The following SNAPC4 variants were observed in gnomAD, a reference collection of about 807,000 sequenced individuals.
SNAPC4 encodes snRNA-activating protein complex subunit 4.
Under a neutral mutation model 151.3 loss-of-function variants are expected in SNAPC4, and 127 were observed. The observed-to-expected ratio is 0.84, with a 90% CI of 0.73 to 0.97. SNAPC4 has a LOEUF of 0.97. SNAPC4 is among the 50% of genes least tolerant of loss of function. SNAPC4 has a pLI of 0.00. For synonymous variants in SNAPC4, 1,002 were observed against 824.4 expected (o/e 1.22, Z -3.69); for missense variants, 2,186 against 1,935.0 (o/e 1.13, Z -2.43).
At position 136,383,944 on chromosome 9, in the gene SNAPC4, G is replaced by A. The variant is rs1166378607; in HGVS notation, c.1500+9C>T. On this transcript the variant is annotated intron_variant, in intron 15 of 23. Transcript: ENST00000684778. The surrounding 1 kb of genome is among the most constrained non-coding windows in gnomAD (Gnocchi z 4.2). ...CTGGTTTCAGATAAAGAAGGAGCGA[G>A]TGGCTCACCCCCATCATGATCTTCC... The A allele has an allele frequency of 6.2e-7, 1 of 1,611,556 alleles. No individual in the cohort carries two copies. The highest frequency in any genetic ancestry group is 1.3e-5 in the African/African-American group (1 of 74,846).
At position 136,382,226 on chromosome 9, in the gene SNAPC4, C is replaced by A. The variant is rs1213673862; in HGVS notation, c.2067+27G>T. 4 of 1,608,942 alleles carry A rather than the reference C, an allele frequency of 2.5e-6. No homozygotes were observed. In the African/African-American group the frequency reaches 5.3e-5, roughly 21 times the overall value. ...CCAGGGCGGGGCACGTGGTGGCGTGCGCGTGGGTGTCTGCAGCAGGCCTCA... is the reference window on the plus strand; with the variant it reads ...CCAGGGCGGGGCACGTGGTGGCGTGAGCGTGGGTGTCTGCAGCAGGCCTCA... On this transcript the variant is annotated intron_variant, in intron 17 of 23. Transcript: ENST00000684778.
At chr9:136,376,558 G>T (rs1452130108) in intron 22 of SNAPC4, 77 bp from the exon 23 acceptor site, 1 of 1,560,118 alleles carries the variant, frequency 6.4e-7, no homozygotes, top group South Asian at 1.1e-5. Context: ...CGGGAGTGAG[G>T]AGGGGCCCTG....
At chr9:136,396,079 G>A (rs921665503) in intron 3 of SNAPC4, among the ~76,000 whole-genome samples, 4 of 152,210 alleles carry the variant, frequency 2.6e-5, no homozygotes, top group Non-Finnish European at 4.4e-5. Flanking sequence ...GACCACAGGC[G>A]TCCTGTGAAC....
Position 136,392,744 on chromosome 9 carries a change from G to A in SNAPC4, c.666C>T (p.Val222=). Reference sequence around the variant, plus strand: ...GGGCTTGCCTCTCCAGCTCACTGGAGACTTTGCTCTGCTTCTGGTGCAAGT... The same window carrying A: ...GGGCTTGCCTCTCCAGCTCACTGGAAACTTTGCTCTGCTTCTGGTGCAAGT... ...LEYLHQKQSK[V]SSELERQALE... Residue 222 remains valine, a synonymous_variant, in exon 8 of 24, where the codon GTC becomes GTT. Coordinates refer to ENST00000684778, the MANE Select transcript of SNAPC4 (RefSeq NM_003086.4). 1 of 1,613,652 alleles carries A rather than the reference G, an allele frequency of 6.2e-7. No individual in the cohort carries two copies. Among genetic ancestry groups the A allele is most frequent in the South Asian group, 1.1e-5 (1 of 91,086 alleles).
In SNAPC4 at chr9:136,383,959, C is replaced by A; in HGVS notation, c.1494G>T (p.Met498Ile). 6.2e-7 allele frequency: 1 copy of A among 1,613,470 alleles called. No homozygotes were observed. Among genetic ancestry groups the A allele is most frequent in the Non-Finnish European group, 8.5e-7 (1 of 1,179,748 alleles). The change falls in exon 15 of 24, where the codon ATG becomes ATT. Residue 498 changes from methionine to isoleucine, a missense_variant. Coordinates refer to ENST00000684778, the MANE Select transcript of SNAPC4 (RefSeq NM_003086.4). The surrounding 1 kb of genome is among the most constrained non-coding windows in gnomAD (Gnocchi z 4.2). ...GSQCLSKWKIMMGKKQGLRRR... is the reference protein window; with the variant it reads ...GSQCLSKWKIIMGKKQGLRRR... ...GAAGGAGCGAGTGGCTCACCCCCAT[C>A]ATGATCTTCCACTTGCTCAGACACT...
chr9:136,382,719 G>A (rs1348291764), intron 16 of SNAPC4, among the ~76,000 whole-genome samples: 3 of 152,226 alleles, frequency 2.0e-5, no homozygotes, highest in Non-Finnish European at 1.5e-5. Context: ...AGACCAGCCT[G>A]TTCAACTCTG....
chr9:136,388,701 C>A, intron 10 of SNAPC4, 110 bp from the exon 11 acceptor site: 1 of 1,268,980 alleles, frequency 7.9e-7, no homozygotes. Context: ...TGGGGTGACC[C>A]TTCTGCAGAC....
chr9:136,380,142 C>T (rs1225908586), intron 20 of SNAPC4, among the ~76,000 whole-genome samples: 2 of 152,212 alleles, frequency 1.3e-5, no homozygotes, highest in African/African-American at 2.4e-5. Context: ...GAACCGCAGG[C>T]TGCTGCTGGC....
In SNAPC4 at chr9:136,387,502, A is replaced by G. The variant is rs750966496; in HGVS notation, c.1308T>C (p.Asp436=). The G allele has an allele frequency of 6.2e-7, 1 of 1,613,298 alleles. No individual in the cohort carries two copies. Among genetic ancestry groups the G allele is most frequent in the African/African-American group, 1.3e-5 (1 of 75,048 alleles). The change falls in exon 13 of 24, where the codon GAT becomes GAC. Residue 436 remains aspartate, a synonymous_variant. Coordinates refer to ENST00000684778, the MANE Select transcript of SNAPC4 (RefSeq NM_003086.4). ...CGACTCACCGATCTCGGCACTGGGC[A>G]TCGCTCCTACCTGGCACCTCTTCCC... ...KIREEVPGRS[D]AQCRDRYLRR...
chr9:136,382,044 G>A lies in SNAPC4; in HGVS notation c.2097C>T (p.Pro699=), dbSNP rs749304060. ...CAGAGCTGACCCCTGGGGATGAGGT[G>A]GGCAGGGGTGGCTGCCTCAGCTGCT... is the stretch of plus-strand genomic sequence containing the variant. ...QKEQLRQPPL[P]TSSPGVSSGD... The change falls in exon 18 of 24, where the codon CCC becomes CCT. Residue 699 remains proline, a synonymous_variant. Transcript: ENST00000684778. 5.6e-6 allele frequency: 9 copies of A among 1,598,540 alleles called. No homozygotes were observed. Among genetic ancestry groups the A allele is most frequent in the South Asian group, 2.2e-5 (2 of 89,526 alleles).
At chr9:136,380,432 G>T (rs1260979642) in intron 20 of SNAPC4, among the ~76,000 whole-genome samples, 4 of 152,234 alleles carry the variant, frequency 2.6e-5, no homozygotes, top group Non-Finnish European at 5.9e-5. Flanking sequence ...CTGAACTTCT[G>T]TGAGTTTGGT....
In SNAPC4 at chr9:136,387,583, C is replaced by A. The variant is rs921744112; in HGVS notation, c.1231-4G>T. 14 of 1,605,596 alleles carry A rather than the reference C, an allele frequency of 8.7e-6. No individual in the cohort carries two copies. Among genetic ancestry groups the A allele is most frequent in the Non-Finnish European group, 1.2e-5 (14 of 1,172,508 alleles). ...TGGCAACAGCTTGAAGCAACTTCTG[C>A]AGGAAGGGACAGGCAGACAAGTGAA... On this transcript the variant is annotated splice_polypyrimidine_tract_variant and splice_region_variant and intron_variant, in intron 12 of 23. Coordinates refer to ENST00000684778, the MANE Select transcript of SNAPC4 (RefSeq NM_003086.4).
intron 20 of SNAPC4, among the ~76,000 whole-genome samples, chr9:136,380,126 G>A (rs548360266): frequency 6.6e-6 from 1 of 152,302 alleles, no homozygotes; most frequent in South Asian, 2.1e-4. Flanking sequence ...TGCACCGGAG[G>A]CTCCTGAACC....
In SNAPC4 at chr9:136,377,686, G is replaced by C; in HGVS notation, c.4141C>G (p.Leu1381Val). ...AFTLPALLAT[L>V]APQGVRTTLS... ...GTGGTGCGGACGCCTTGGGGGGCCAGGGTGGCCAGGAGCGCAGGGAGGGTG... is the reference window on the plus strand; with the variant it reads ...GTGGTGCGGACGCCTTGGGGGGCCACGGTGGCCAGGAGCGCAGGGAGGGTG... Residue 1381 changes from leucine to valine, a missense_variant, in exon 22 of 24, where the codon CTG becomes GTG. Physicochemically the swap from Leu to Val is conservative, Grantham distance 32. Coordinates refer to ENST00000684778, the MANE Select transcript of SNAPC4 (RefSeq NM_003086.4). 1.2e-6 allele frequency: 2 copies of C among 1,608,232 alleles called. No individual in the cohort carries two copies. The highest frequency in any genetic ancestry group is 2.2e-5 in the South Asian group (2 of 90,658).
chr9:136,382,347 A>G lies in SNAPC4; in HGVS notation c.1984-11T>C. The G allele has an allele frequency of 1.2e-6, 2 of 1,612,692 alleles. No homozygotes were observed. Among genetic ancestry groups the G allele is most frequent in the Non-Finnish European group, 1.7e-6 (2 of 1,179,632 alleles). ...CAGACGCCTCCCACCCTGATGAGAAAGCTGCCTGAGGCGAGGCACGCGGGG... is the reference window on the plus strand; with the variant it reads ...CAGACGCCTCCCACCCTGATGAGAAGGCTGCCTGAGGCGAGGCACGCGGGG... On this transcript the variant is annotated splice_polypyrimidine_tract_variant and intron_variant, in intron 16 of 23. Transcript: ENST00000684778.
Position 136,379,136 on chromosome 9 carries a change from A to T in SNAPC4, c.2691T>A (p.Leu897=), listed in dbSNP as rs1437134038. 1.3e-6 allele frequency: 2 copies of T among 1,572,612 alleles called. No individual in the cohort carries two copies. Among genetic ancestry groups the T allele is most frequent in the Non-Finnish European group, 1.7e-6 (2 of 1,159,708 alleles). Residue 897 remains leucine (L), a synonymous_variant, in exon 22 of 24, where the codon CTT becomes CTA. Coordinates refer to ENST00000684778, the MANE Select transcript of SNAPC4 (RefSeq NM_003086.4). ...GGGCCTCCTGAAGCCGCTTCTCCTGAAGCAGCTCCGACACAGTCTTGGGCT... is the reference window on the plus strand; with the variant it reads ...GGGCCTCCTGAAGCCGCTTCTCCTGTAGCAGCTCCGACACAGTCTTGGGCT... ...RPKPKTVSEL[L]QEKRLQEARA...
Position 136,380,739 on chromosome 9 carries a change from C to A in SNAPC4, c.2499+1G>T, listed in dbSNP as rs377494602. Reference sequence around the variant, plus strand: ...CACTTCTCACCCCAAGTGCCTGCTACCTGCAGAAGATGAACTGGTGGGTCC... The same window carrying A: ...CACTTCTCACCCCAAGTGCCTGCTAACTGCAGAAGATGAACTGGTGGGTCC... On this transcript the variant is annotated splice_donor_variant, in intron 20 of 23. Transcript: ENST00000684778. LOFTEE classifies it high-confidence loss of function. The A allele has an allele frequency of 2.6e-6, 4 of 1,557,724 alleles. No individual in the cohort carries two copies. The African/African-American group carries it at 5.4e-5, about 21-fold the overall frequency.
chr9:136,398,482 C>G, intron 1 of SNAPC4, 45 bp from the exon 2 acceptor site: 1 of 1,592,178 alleles, frequency 6.3e-7, no homozygotes, highest in Non-Finnish European at 8.6e-7. Flanking sequence ...CAAGACCGTG[C>G]CGGGATCCCA....
chr9:136,377,008 CCT>C (rs1833470837), intron 22 of SNAPC4, among the ~76,000 whole-genome samples: 1 of 152,226 alleles, frequency 6.6e-6, no homozygotes, highest in African/African-American at 2.4e-5. Context: ...GGGGAGGAGG[CCT>C]CTCTGGGGGC....
Sources: allele counts gnomAD v4.1 joint callset (sites outside exome capture counted in the v4.1 genomes callset), GRCh38; gene constraint gnomAD v4.1.1; non-coding constraint Gnocchi (gnomAD v3.1); transcripts MANE v1.5; gene names NCBI Gene and HGNC (gene_info 2026-07-23, HGNC 2026-07-21).